CFAP96: variants seen among roughly 807,000 people sequenced by gnomAD.
CFAP96 encodes cilia and flagella associated protein 96, also known as cilia-and flagella-associated protein 96.
chr4:185,425,860 A>G, the CFAP96 span: 7 of 1,604,084 alleles, frequency 4.4e-6, no homozygotes, highest in African/African-American at 1.3e-5. Context: ...GAGCAGAGAT[A>G]CTCACCATGT....
the CFAP96 span, among the ~76,000 whole-genome samples, chr4:185,428,230 C>T: frequency 1.1e-4 from 16 of 152,034 alleles, no homozygotes; most frequent in Admixed American, 1.0e-3. Context: ...GGTAAGTATT[C>T]TTAGCTCCTT....
chr4:185,408,921 CTT>C, the CFAP96 span, among the ~76,000 whole-genome samples: 68 of 152,230 alleles, frequency 4.5e-4, no homozygotes, highest in South Asian at 1.0e-3. Context: ...TCTCTGTCCT[CTT>C]TATGTTTTTA....
At chr4:185,439,245 T>A in the CFAP96 span, among the ~76,000 whole-genome samples, 1 of 152,148 alleles carries the variant, frequency 6.6e-6, no homozygotes, top group Non-Finnish European at 1.5e-5. Flanking sequence ...GTAAATTTTG[T>A]GGGAACACTG....
At chr4:185,433,989 C>T in the CFAP96 span, among the ~76,000 whole-genome samples, 4 of 152,182 alleles carry the variant, frequency 2.6e-5, no homozygotes, top group Admixed American at 2.0e-4. Context: ...GAGGCTGAGG[C>T]GGATGTATTG....
chr4:185,412,409 C>T, the CFAP96 span, among the ~76,000 whole-genome samples: 1 of 152,152 alleles, frequency 6.6e-6, no homozygotes, highest in Non-Finnish European at 1.5e-5. Flanking sequence ...CCTAACTCAT[C>T]TAGGGTACGT....
At chr4:185,431,599 C>T in the CFAP96 span, among the ~76,000 whole-genome samples, 6 of 152,170 alleles carry the variant, frequency 3.9e-5, no homozygotes, top group African/African-American at 1.4e-4. Flanking sequence ...TGTGAAACAC[C>T]CTTCTCTTCG....
At chr4:185,438,353 G>A in the CFAP96 span, among the ~76,000 whole-genome samples, 1 of 151,976 alleles carries the variant, frequency 6.6e-6, no homozygotes, top group East Asian at 1.9e-4. Context: ...CTATTTTTCT[G>A]TAATGTCCAA....
At chr4:185,427,243 T>C in the CFAP96 span, among the ~76,000 whole-genome samples, 1 of 152,156 alleles carries the variant, frequency 6.6e-6, no homozygotes, top group South Asian at 2.1e-4. Flanking sequence ...CTTTGAAATA[T>C]AAGGTAAATG....
the CFAP96 span, among the ~76,000 whole-genome samples, chr4:185,435,270 A>G: frequency 2.0e-5 from 3 of 152,324 alleles, no homozygotes; most frequent in South Asian, 2.1e-4. Context: ...ACAATAAGCA[A>G]TCGGTGTTGA....
At chr4:185,449,285 C>T in the CFAP96 span, among the ~76,000 whole-genome samples, 1 of 152,036 alleles carries the variant, frequency 6.6e-6, no homozygotes, top group Non-Finnish European at 1.5e-5. Context: ...CTTTGGAAAG[C>T]CAAGGTAGGC....
the CFAP96 span, among the ~76,000 whole-genome samples, chr4:185,447,067 G>A: frequency 6.6e-6 from 1 of 152,042 alleles, no homozygotes; most frequent in Non-Finnish European, 1.5e-5. Context: ...CTCACATGGA[G>A]CTTCTACTGA....
chr4:185,421,728 T>C, the CFAP96 span, among the ~76,000 whole-genome samples: 1 of 152,198 alleles, frequency 6.6e-6, no homozygotes, highest in African/African-American at 2.4e-5. Context: ...AACAGACTAA[T>C]ACAGTACTTT....
At chr4:185,423,007 C>T in the CFAP96 span, among the ~76,000 whole-genome samples, 1 of 152,168 alleles carries the variant, frequency 6.6e-6, no homozygotes, top group African/African-American at 2.4e-5. Context: ...TACAGGCATA[C>T]ACCACCACGC....
At chr4:185,437,463 T>C in the CFAP96 span, among the ~76,000 whole-genome samples, 1 of 152,202 alleles carries the variant, frequency 6.6e-6, no homozygotes, top group Non-Finnish European at 1.5e-5. Context: ...CACTTTGTAG[T>C]TTTTTGTTTT....
chr4:185,416,641 G>A, the CFAP96 span, among the ~76,000 whole-genome samples: 6 of 152,144 alleles, frequency 3.9e-5, no homozygotes, highest in East Asian at 1.2e-3. Context: ...GTATAAAAGT[G>A]TGTGCCCATG....
At chr4:185,440,667 A>G in the CFAP96 span, 1 of 1,508,616 alleles carries the variant, frequency 6.6e-7, no homozygotes, top group Non-Finnish European at 9.0e-7. Context: ...AAAAAAGAAG[A>G]GAAGAAGAAA....
At chr4:185,446,552 T>C in the CFAP96 span, among the ~76,000 whole-genome samples, 1 of 152,202 alleles carries the variant, frequency 6.6e-6, no homozygotes, top group South Asian at 2.1e-4. Context: ...TCTAGTCAGT[T>C]GCTTAAGTTG....
the CFAP96 span, chr4:185,429,585 G>A: frequency 1.2e-6 from 1 of 841,482 alleles, no homozygotes; most frequent in Non-Finnish European, 1.8e-6. Flanking sequence ...TAATATTTAA[G>A]TCAAATGATT....
the CFAP96 span, chr4:185,415,842 A>G: frequency 6.2e-7 from 1 of 1,613,692 alleles, no homozygotes; most frequent in South Asian, 1.1e-5. Context: ...CATTTCCAGC[A>G]TAAGATCTAT....
Sources: allele counts gnomAD v4.1 joint callset (sites outside exome capture counted in the v4.1 genomes callset), GRCh38; gene constraint gnomAD v4.1.1; transcripts MANE v1.5; gene names NCBI Gene and HGNC (gene_info 2026-07-23, HGNC 2026-07-21).